Variants in FGF2 observed in about 807,000 individuals in gnomAD.
FGF2 encodes the protein fibroblast growth factor 2.
A neutral mutation model predicts 15.9 loss-of-function variants in FGF2; 13 were observed. The observed-to-expected ratio is 0.82, with a 90% CI of 0.53 to 1.30. The LOEUF is 1.30. Ranked by LOEUF, FGF2 falls within the 50% of genes most tolerant of loss-of-function variation. The pLI is 0.00. For synonymous variants in FGF2, 90 were observed against 78.4 expected (o/e 1.15, Z -0.78); for missense variants, 163 against 196.9 (o/e 0.83, Z 1.03).
chr4:122,858,138 A>G (rs1344418218), intron 1 of FGF2, among the ~76,000 whole-genome samples: 2 of 152,146 alleles, frequency 1.3e-5, no homozygotes, highest in Non-Finnish European at 2.9e-5. Flanking sequence ...TGGGTGTCTA[A>G]TGTTCTTATT....
chr4:122,864,296 T>C (rs920176710), intron 1 of FGF2, among the ~76,000 whole-genome samples: 2 of 152,228 alleles, frequency 1.3e-5, no homozygotes, highest in African/African-American at 4.8e-5. Context: ...CCTGTCACTC[T>C]TTTCCCTGAG....
intron 1 of FGF2, among the ~76,000 whole-genome samples, chr4:122,864,001 ATCT>A (rs1272704915): frequency 2.0e-5 from 3 of 148,060 alleles, no homozygotes; most frequent in Non-Finnish European, 4.4e-5. Context: ...TTCAAGAATA[ATCT>A]TCTTTACTGG....
Position 122,827,461 on chromosome 4 carries a change from C to T in FGF2, c.178+109C>T. On this transcript the variant is annotated intron_variant, in intron 1 of 2. Transcript: ENST00000644866. This position sits in a 1 kb window ranked among gnomAD's most constrained non-coding sequence, Gnocchi z 4.2. ...CCGGATCTTCACTGCGACCCTAGCG[C>T]TCCGTGTGGTTTCTGGCCGCGCGGC... 7.8e-7 allele frequency: 1 copy of T among 1,282,784 alleles called. No individual in the cohort carries two copies. The highest frequency in any genetic ancestry group is 1.1e-6 in the Non-Finnish European group (1 of 902,838). The allele number at this position is 1,282,784 out of a possible 1,614,324, so 79.5% of individuals were successfully genotyped here.
chr4:122,826,990 A>T lies in FGF2; in HGVS notation c.-185A>T. On this transcript the variant is annotated 5_prime_UTR_variant, in exon 1 of 3. Transcript: ENST00000644866. Reference sequence around the variant, plus strand: ...CGCACCAGGGGCCGGCGGACAGAAGAGCGGCCGAGCGGCTCGAGGCTGGGG... The same window carrying T: ...CGCACCAGGGGCCGGCGGACAGAAGTGCGGCCGAGCGGCTCGAGGCTGGGG... 7.9e-7 allele frequency: 1 copy of T among 1,266,398 alleles called. No individual in the cohort carries two copies. Among genetic ancestry groups the T allele is most frequent in the Non-Finnish European group, 9.9e-7 (1 of 1,006,052 alleles). The allele number at this position is 1,266,398 out of a possible 1,614,324, so 78.4% of individuals were successfully genotyped here.
intron 1 of FGF2, 32 bp from the exon 2 acceptor site, chr4:122,876,289 T>C (rs761882250): frequency 7.9e-7 from 1 of 1,258,516 alleles, no homozygotes; most frequent in East Asian, 2.3e-5. Context: ...TCCTCTGTGG[T>C]GCTACAAAGA....
rs1020967936 is a variant in FGF2, at chr4:122,865,644, G to C, written c.179-10677G>C. 2.6e-5 allele frequency among the ~76,000 whole-genome samples: 4 copies of C among 152,254 alleles called. 1 individual carries two copies. The South Asian group carries it at 6.2e-4, about 24-fold the overall frequency. On this transcript the variant is annotated intron_variant, in intron 1 of 2. Transcript: ENST00000644866. The stretch of plus-strand genomic sequence containing the variant: ...TTTCCAAATATTTGGGGATTTTCCA[G>C]ATATCATATTGCTAACATTTCTACT...
chr4:122,842,358 A>T (rs1454646432), intron 1 of FGF2, among the ~76,000 whole-genome samples: 1 of 152,232 alleles, frequency 6.6e-6, no homozygotes, highest in Non-Finnish European at 1.5e-5. Context: ...ATTTTGTCAG[A>T]TTCTCAAAAG....
rs1727322367 is a variant in FGF2, at chr4:122,895,519, G to T, written c.*3123G>T. On this transcript the variant is annotated 3_prime_UTR_variant, in exon 3 of 3. Coordinates refer to ENST00000644866, the MANE Select transcript of FGF2 (RefSeq NM_001361665.2). Reference sequence around the variant, plus strand: ...TTCCCTCTGACTCTAGTGCACTGATGATCTCTGATAAGGCTCAGCTGCTTT... The same window carrying T: ...TTCCCTCTGACTCTAGTGCACTGATTATCTCTGATAAGGCTCAGCTGCTTT... 6.6e-6 allele frequency: 1 copy of T among 152,232 alleles called. No homozygotes were observed. The highest frequency in any genetic ancestry group is 1.5e-5 in the Non-Finnish European group (1 of 68,038). The allele number at this position is 152,232 out of a possible 1,614,324, so 9.4% of individuals were successfully genotyped here. A position where few individuals can be genotyped will look rare whatever the true frequency, so the allele number is the denominator to read the frequency against.
chr4:122,845,274 T>C (rs1726086886), intron 1 of FGF2, among the ~76,000 whole-genome samples: 1 of 152,314 alleles, frequency 6.6e-6, no homozygotes, highest in East Asian at 1.9e-4. Flanking sequence ...TGTTATTCCA[T>C]TGATAGGGCA....
At chr4:122,832,011 A>G (rs1174356282) in intron 1 of FGF2, among the ~76,000 whole-genome samples, 1 of 152,230 alleles carries the variant, frequency 6.6e-6, no homozygotes, top group African/African-American at 2.4e-5. Context: ...TGTTGAAAAG[A>G]CAATTTAAGG....
intron 1 of FGF2, among the ~76,000 whole-genome samples, chr4:122,847,025 G>T (rs1158574456): frequency 1.3e-5 from 2 of 152,196 alleles, no homozygotes. Context: ...TCATTCATCT[G>T]CCCCTTGGCT....
chr4:122,862,271 ATCAGC>A (rs1335068801), intron 1 of FGF2, among the ~76,000 whole-genome samples: 4 of 152,190 alleles, frequency 2.6e-5, no homozygotes, highest in African/African-American at 9.7e-5. Flanking sequence ...CTCTCTAAAT[ATCAGC>A]TTCCTTATTT....
chr4:122,846,608 A>G (rs1726117357), intron 1 of FGF2, among the ~76,000 whole-genome samples: 1 of 152,242 alleles, frequency 6.6e-6, no homozygotes, highest in Admixed American at 6.5e-5. Flanking sequence ...CTGAGATCTG[A>G]AAAGGATGTA....
At chr4:122,888,791 T>C (rs1727109187) in intron 2 of FGF2, 1 of 152,214 alleles carries the variant, frequency 6.6e-6, no homozygotes, top group African/African-American at 2.4e-5. Context: ...CTAGTCCCTC[T>C]TACCCTGTTC....
chr4:122,835,341 T>A (rs537550668), intron 1 of FGF2, among the ~76,000 whole-genome samples: 1 of 152,284 alleles, frequency 6.6e-6, no homozygotes, highest in African/African-American at 2.4e-5. Context: ...TTCTTCTGTT[T>A]TTTTTTTGCA....
rs141030851 is a variant in FGF2 at position 122,857,412 on chromosome 4, G to A, written c.179-18909G>A. Among the ~76,000 whole-genome samples, 344 of 152,100 alleles carry A rather than the reference G, an allele frequency of 2.3e-3. 1 individual carries two copies. Among genetic ancestry groups the A allele is most frequent in the African/African-American group, 5.4e-3 (222 of 41,474 alleles). ...GTGCAGTTCTTTGCCCCTGTATTGCGCCTGGAGCTTCTGGAATGCCACAAG... is the reference window on the plus strand; with the variant it reads ...GTGCAGTTCTTTGCCCCTGTATTGCACCTGGAGCTTCTGGAATGCCACAAG... On this transcript the variant is annotated intron_variant, in intron 1 of 2. Coordinates refer to ENST00000644866, the MANE Select transcript of FGF2 (RefSeq NM_001361665.2).
intron 1 of FGF2, among the ~76,000 whole-genome samples, chr4:122,871,053 T>G (rs762923754): frequency 1.3e-5 from 2 of 152,226 alleles, no homozygotes; most frequent in African/African-American, 4.8e-5. Flanking sequence ...AAATAACTTC[T>G]TCATTTCTGC....
intron 2 of FGF2, among the ~76,000 whole-genome samples, chr4:122,890,510 T>G (rs1355481122): frequency 6.6e-6 from 1 of 152,250 alleles, no homozygotes; most frequent in African/African-American, 2.4e-5. Context: ...AATTCTTATC[T>G]CTAGAAGATT....
At position 122,866,237 on chromosome 4, in the gene FGF2, G is replaced by A. The variant is rs553899765; in HGVS notation, c.179-10084G>A. ...CAAAAAATTAGCCGGGCGTGGTGGC[G>A]GGCGCCTGTAGTCCCAACTACTCGG... On this transcript the variant is annotated intron_variant, in intron 1 of 2. Coordinates refer to ENST00000644866, the MANE Select transcript of FGF2 (RefSeq NM_001361665.2). Among the ~76,000 whole-genome samples the A allele has an allele frequency of 1.1e-4, 17 of 152,184 alleles. 1 individual carries two copies. The South Asian group carries it at 1.9e-3, about 17-fold the overall frequency.
Sources: gnomAD v4.1 joint callset for allele counts (sites outside exome capture counted in the v4.1 genomes callset) on GRCh38, gnomAD v4.1.1 for gene constraint, Gnocchi (gnomAD v3.1) non-coding constraint, MANE v1.5 for transcripts, NCBI Gene and HGNC (gene_info 2026-07-23, HGNC 2026-07-21) for gene names.